SH3GL3: variants seen among roughly 807,000 people sequenced by gnomAD.
SH3GL3 encodes SH3 domain containing GRB2 like 3, endophilin A3.
SH3GL3 carries 33 observed loss-of-function variants against 47.7 expected under a neutral mutation model. That is an observed-to-expected ratio of 0.69 (90% CI 0.52 to 0.92). SH3GL3 has a LOEUF of 0.92. Among genes scored for constraint, SH3GL3 ranks in the 40% least tolerant of loss-of-function variants. SH3GL3 has a pLI of 0.00. For missense variants in SH3GL3, 363 were observed against 417.8 expected (o/e 0.87, Z 1.14); for synonymous variants, 155 against 148.8 (o/e 1.04, Z -0.30).
chr15:83,570,585 ATATAT>A (rs1240041920), intron 4 of SH3GL3, among the ~76,000 whole-genome samples: 2 of 152,226 alleles, frequency 1.3e-5, no homozygotes, highest in African/African-American at 2.4e-5. Context: ...ATTGGATTTA[ATATAT>A]TAAGTATTCC....
intron 1 of SH3GL3, among the ~76,000 whole-genome samples, chr15:83,523,738 T>C (rs1231462529): frequency 6.6e-6 from 1 of 152,180 alleles, no homozygotes; most frequent in Non-Finnish European, 1.5e-5. Context: ...CCTTTCCCCC[T>C]GCCTCCCTCC....
At position 83,586,983 on chromosome 15, in the gene SH3GL3, G is replaced by A; in HGVS notation, c.625G>A (p.Val209Ile). The A allele has an allele frequency of 6.3e-7, 1 of 1,589,642 alleles. No individual in the cohort carries two copies. Among genetic ancestry groups the A allele is most frequent in the East Asian group, 2.3e-5 (1 of 44,078 alleles). ...GAATAATTTTGCACTTCTGCTGCAG[G>A]TAGAACAAGTCAGCCAGTTGGCTGT... is the stretch of plus-strand genomic sequence containing the variant. ...RSMFNFLEND[V>I]EQVSQLAVFI... is the part of the protein sequence containing the mutation. Residue 209 changes from valine (V) to isoleucine (I), a missense_variant and splice_region_variant, in exon 7 of 9, where the codon GTA becomes ATA. Transcript: ENST00000427482.
chr15:83,541,310 C>CAATTTTTTTTTTTTTTTTTTTTTTT (rs1567318555), intron 1 of SH3GL3, among the ~76,000 whole-genome samples: 1 of 47,750 alleles, frequency 2.1e-5, no homozygotes, highest in African/African-American at 6.5e-5. Context: ...TATGGTAATT[C>CAATTTTTTTTTTTTTTTTTTTTTTT]TATTTTTTTT....
intron 2 of SH3GL3, among the ~76,000 whole-genome samples, chr15:83,561,860 C>T (rs907254781): frequency 6.6e-6 from 1 of 152,124 alleles, no homozygotes; most frequent in Non-Finnish European, 1.5e-5. Context: ...ACCTCATGGG[C>T]AGGGTGCCAG....
At chr15:83,608,014 A>G (rs2060572268) in intron 8 of SH3GL3, among the ~76,000 whole-genome samples, 1 of 152,172 alleles carries the variant, frequency 6.6e-6, no homozygotes, top group African/African-American at 2.4e-5. Context: ...TCATCACAAT[A>G]GACAAGTCAT....
intron 1 of SH3GL3, among the ~76,000 whole-genome samples, chr15:83,523,960 A>G (rs1232477388): frequency 6.6e-6 from 1 of 152,074 alleles, no homozygotes; most frequent in Non-Finnish European, 1.5e-5. Context: ...AAAAAAAAAA[A>G]AAAAAAACAG....
chr15:83,505,138 G>A (rs111542006), intron 1 of SH3GL3, among the ~76,000 whole-genome samples: 16 of 152,086 alleles, frequency 1.1e-4, no homozygotes, highest in African/African-American at 3.9e-4. Flanking sequence ...CGTGGTCATC[G>A]GTGTTGTCCT....
chr15:83,616,618 G>A (rs976269736), intron 8 of SH3GL3, among the ~76,000 whole-genome samples: 10 of 152,080 alleles, frequency 6.6e-5, no homozygotes, highest in African/African-American at 2.2e-4. Flanking sequence ...AAGAATTCAT[G>A]TTCTATGACC....
At chr15:83,563,708 G>A (rs966730200) in intron 2 of SH3GL3, among the ~76,000 whole-genome samples, 4 of 151,796 alleles carry the variant, frequency 2.6e-5, no homozygotes, top group African/African-American at 9.7e-5. Context: ...GCGTGATCTC[G>A]GCTCACTGCA....
intron 1 of SH3GL3, among the ~76,000 whole-genome samples, chr15:83,470,305 A>G (rs1196971466): frequency 1.3e-5 from 2 of 152,040 alleles, no homozygotes; most frequent in Non-Finnish European, 2.9e-5. Context: ...GCTCACTGCA[A>G]CCTCTGCCTC....
intron 8 of SH3GL3, among the ~76,000 whole-genome samples, chr15:83,611,244 GTCTC>G (rs35606421): frequency 3.1e-4 from 47 of 149,324 alleles, no homozygotes; most frequent in East Asian, 5.9e-4. Flanking sequence ...TTGTGGTAGG[GTCTC>G]TCTCTCTCTC....
At chr15:83,564,621 A>G (rs1348601779) in intron 2 of SH3GL3, among the ~76,000 whole-genome samples, 1 of 152,222 alleles carries the variant, frequency 6.6e-6, no homozygotes, top group African/African-American at 2.4e-5. Context: ...CTTTGATGTT[A>G]ACATCTTCTG....
downstream of SH3GL3, among the ~76,000 whole-genome samples, chr15:83,620,856 G>C (rs1242025135): frequency 6.6e-6 from 1 of 152,200 alleles, no homozygotes; most frequent in African/African-American, 2.4e-5. Flanking sequence ...CCCATGTAAG[G>C]CTATAGTTTA....
At chr15:83,461,544 A>C (rs2040299894) in intron 1 of SH3GL3, among the ~76,000 whole-genome samples, 1 of 152,108 alleles carries the variant, frequency 6.6e-6, no homozygotes, top group Non-Finnish European at 1.5e-5. Context: ...ATAATATTAA[A>C]ATGTTTGCTT....
At chr15:83,476,243 C>T (rs8036415) in intron 1 of SH3GL3, among the ~76,000 whole-genome samples, 128,217 of 152,180 alleles carry the variant, frequency 0.84, 54,324 homozygotes, top group African/African-American at 0.94. Flanking sequence ...AAGTGATCTT[C>T]CCAGGACTCA....
At chr15:83,546,880 T>C (rs990839189) in intron 1 of SH3GL3, among the ~76,000 whole-genome samples, 1 of 152,266 alleles carries the variant, frequency 6.6e-6, no homozygotes. Context: ...TTTAGGACTT[T>C]GCTTGGTACT....
chr15:83,480,567 A>G (rs538058841), intron 1 of SH3GL3, among the ~76,000 whole-genome samples: 1 of 152,318 alleles, frequency 6.6e-6, no homozygotes, highest in Non-Finnish European at 1.5e-5. Context: ...GAGGTAGAAT[A>G]CAGCTTGGAA....
chr15:83,565,197 C>T lies in SH3GL3; in HGVS notation c.178C>T (p.Pro60Ser). Residue 60 changes from proline to serine, a missense_variant, in exon 3 of 9, where the codon CCA becomes TCA. Coordinates refer to ENST00000427482, the MANE Select transcript of SH3GL3 (RefSeq NM_003027.5). Reference protein sequence around the residue: ...ILSKTTEYLQPNPAYRAKLGM... With the variant: ...ILSKTTEYLQSNPAYRAKLGM... ...TTCAAAAACCACTGAATATCTTCAG[C>T]CAAATCCAGGTAAAGTTGAAATATT... 2.6e-6 allele frequency: 4 copies of T among 1,560,050 alleles called. No homozygotes were observed. The highest frequency in any genetic ancestry group is 3.5e-6 in the Non-Finnish European group (4 of 1,133,544).
At chr15:83,605,326 G>T (rs931426516) in intron 8 of SH3GL3, among the ~76,000 whole-genome samples, 2 of 152,200 alleles carry the variant, frequency 1.3e-5, no homozygotes, top group South Asian at 4.2e-4. Flanking sequence ...AGTGTAAAGG[G>T]GGTCCTGTAC....
Sources: allele counts gnomAD v4.1 joint callset (sites outside exome capture counted in the v4.1 genomes callset), GRCh38; gene constraint gnomAD v4.1.1; transcripts MANE v1.5; gene names NCBI Gene and HGNC (gene_info 2026-07-23, HGNC 2026-07-21).